GALNTL6: variants seen among roughly 807,000 people sequenced by gnomAD.
GALNTL6 encodes the protein polypeptide N-acetylgalactosaminyltransferase like 6, also known as polypeptide N-acetylgalactosaminyltransferase-like 6.
Under a neutral mutation model 73.7 loss-of-function variants are expected in GALNTL6, and 46 were observed. The ratio of observed to expected loss-of-function variants is 0.62; its 90% CI spans 0.49 to 0.80. GALNTL6 has a LOEUF of 0.80. GALNTL6 is among the 30% of genes least tolerant of loss of function. The probability of loss-of-function intolerance (pLI) is 0.00; values close to 1 mark genes in which losing one functional copy is unlikely to be tolerated. For missense variants in GALNTL6, 604 were observed against 755.0 expected (o/e 0.80, Z 2.34); for synonymous variants, 259 against 263.7 (o/e 0.98, Z 0.17).
intron 5 of GALNTL6, among the ~76,000 whole-genome samples, chr4:172,572,877 A>G (rs561543279): frequency 2.4e-4 from 37 of 152,238 alleles, no homozygotes; most frequent in Non-Finnish European, 5.1e-4. Flanking sequence ...CAAGTCCTGG[A>G]TTTCTCAAAT....
At chr4:171,880,086 T>G (rs1173404025) in intron 2 of GALNTL6, among the ~76,000 whole-genome samples, 1 of 152,192 alleles carries the variant, frequency 6.6e-6, no homozygotes, top group East Asian at 1.9e-4. Context: ...GTGGATGCCA[T>G]ACATCTAAGG....
intron 2 of GALNTL6, among the ~76,000 whole-genome samples, chr4:172,072,417 C>T (rs182181657): frequency 4.9e-4 from 74 of 152,198 alleles, no homozygotes; most frequent in African/African-American, 1.7e-3. Flanking sequence ...TTCATATCTT[C>T]ATATGCATTC....
intron 10 of GALNTL6, among the ~76,000 whole-genome samples, chr4:172,970,801 T>C (rs1006080325): frequency 2.4e-4 from 37 of 152,182 alleles, no homozygotes; most frequent in African/African-American, 7.7e-4. Context: ...AAGAGTATTA[T>C]TTGGGAACTA....
At chr4:172,426,086 T>C (rs1731218032) in intron 5 of GALNTL6, among the ~76,000 whole-genome samples, 1 of 152,030 alleles carries the variant, frequency 6.6e-6, no homozygotes, top group South Asian at 2.1e-4. Flanking sequence ...AGACAACAAA[T>C]AATATTTTTT....
chr4:172,930,050 G>A (rs1277386739), intron 8 of GALNTL6, among the ~76,000 whole-genome samples: 2 of 152,160 alleles, frequency 1.3e-5, no homozygotes, highest in Non-Finnish European at 2.9e-5. Context: ...GCCGAGGTGG[G>A]CGGATCACCT....
chr4:171,864,511 T>C (rs948783407), intron 2 of GALNTL6, among the ~76,000 whole-genome samples: 10 of 152,166 alleles, frequency 6.6e-5, no homozygotes, highest in African/African-American at 2.4e-4. Flanking sequence ...CAAAATAACA[T>C]TGGAAGCTGT....
intron 2 of GALNTL6, among the ~76,000 whole-genome samples, chr4:172,110,359 A>G (rs991843378): frequency 2.0e-5 from 3 of 152,216 alleles, no homozygotes; most frequent in African/African-American, 7.2e-5. Flanking sequence ...CAGTATAGCT[A>G]TCATTACATC....
chr4:172,279,320 A>T (rs770672374), intron 3 of GALNTL6, among the ~76,000 whole-genome samples: 7 of 152,194 alleles, frequency 4.6e-5, no homozygotes, highest in Non-Finnish European at 8.8e-5. Flanking sequence ...CAAATATCTG[A>T]TAAGGCATTA....
At chr4:172,412,805 G>A (rs1314224035) in intron 5 of GALNTL6, among the ~76,000 whole-genome samples, 1 of 152,032 alleles carries the variant, frequency 6.6e-6, no homozygotes. Flanking sequence ...AAAAAATCCA[G>A]CCTCATAGTC....
At chr4:172,680,062 A>C (rs1732544499) in intron 5 of GALNTL6, among the ~76,000 whole-genome samples, 5 of 152,304 alleles carry the variant, frequency 3.3e-5, no homozygotes, top group South Asian at 4.1e-4. Flanking sequence ...GAAAGAATTA[A>C]GCACTTTAAA....
intron 2 of GALNTL6, among the ~76,000 whole-genome samples, chr4:171,828,494 G>A (rs933202852): frequency 2.0e-5 from 3 of 152,194 alleles, no homozygotes; most frequent in African/African-American, 7.2e-5. Context: ...ACCGTAGATG[G>A]AAGTCCACAG....
intron 7 of GALNTL6, among the ~76,000 whole-genome samples, chr4:172,820,691 A>C (rs541018768): frequency 6.6e-6 from 1 of 152,308 alleles, no homozygotes; most frequent in African/African-American, 2.4e-5. Flanking sequence ...GAGTGGGAGA[A>C]CTTTGTTCAT....
At chr4:171,870,327 C>T (rs942029101) in intron 2 of GALNTL6, among the ~76,000 whole-genome samples, 2 of 152,100 alleles carry the variant, frequency 1.3e-5, no homozygotes, top group African/African-American at 4.8e-5. Flanking sequence ...TTTCTGTTTG[C>T]TGGAATGCAG....
At chr4:172,299,315 C>A (rs1739815332) in intron 3 of GALNTL6, among the ~76,000 whole-genome samples, 1 of 152,138 alleles carries the variant, frequency 6.6e-6, no homozygotes, top group African/African-American at 2.4e-5. Flanking sequence ...TTTCAAAAAA[C>A]CAGCTCCTGG....
intron 5 of GALNTL6, among the ~76,000 whole-genome samples, chr4:172,490,814 T>C (rs1464310121): frequency 6.6e-6 from 1 of 152,158 alleles, no homozygotes; most frequent in Non-Finnish European, 1.5e-5. Context: ...CCTGTGCATG[T>C]TTTCTGAAAG....
intron 5 of GALNTL6, among the ~76,000 whole-genome samples, chr4:172,405,069 T>C (rs1167240720): frequency 6.6e-6 from 1 of 152,004 alleles, no homozygotes; most frequent in East Asian, 1.9e-4. Context: ...ATTTAGGTTT[T>C]GGCAAATTTT....
At chr4:171,964,074 C>G (rs1445579296) in intron 2 of GALNTL6, among the ~76,000 whole-genome samples, 1 of 152,126 alleles carries the variant, frequency 6.6e-6, no homozygotes, top group East Asian at 1.9e-4. Flanking sequence ...ATTGCATGTT[C>G]TGGTGTCACT....
chr4:171,854,986 C>T (rs1349732192), intron 2 of GALNTL6, among the ~76,000 whole-genome samples: 1 of 152,108 alleles, frequency 6.6e-6, no homozygotes, highest in Non-Finnish European at 1.5e-5. Flanking sequence ...CTGCCCCCAC[C>T]TCCTCCTGCT....
chr4:172,530,325 A>G (rs990720253), intron 5 of GALNTL6, among the ~76,000 whole-genome samples: 3 of 152,132 alleles, frequency 2.0e-5, no homozygotes, highest in Admixed American at 6.6e-5. Context: ...TTTTTAGCAA[A>G]ATATTCTATA....
Sources: allele counts gnomAD v4.1 joint callset (sites outside exome capture counted in the v4.1 genomes callset), GRCh38; gene constraint gnomAD v4.1.1; transcripts MANE v1.5; gene names NCBI Gene and HGNC (gene_info 2026-07-23, HGNC 2026-07-21).